Variants in NKAIN3 observed in about 807,000 individuals in gnomAD.
NKAIN3 encodes the protein sodium/potassium transporting ATPase interacting 3.
Under a neutral mutation model 30.2 loss-of-function variants are expected in NKAIN3, and 25 were observed. The observed-to-expected ratio is 0.83, with a 90% CI of 0.60 to 1.16. The LOEUF is 1.16. Among genes scored for constraint, NKAIN3 ranks in the 50% most tolerant of loss-of-function variants. The probability of loss-of-function intolerance (pLI) is 0.00; values close to 1 mark genes in which losing one functional copy is unlikely to be tolerated. For missense variants in NKAIN3, 225 were observed against 254.1 expected (o/e 0.89, Z 0.78); for synonymous variants, 91 against 89.6 (o/e 1.02, Z -0.09).
intron 4 of NKAIN3, among the ~76,000 whole-genome samples, chr8:62,759,190 TTAA>T (rs1424217669): frequency 6.6e-6 from 1 of 152,206 alleles, no homozygotes; most frequent in Non-Finnish European, 1.5e-5. Flanking sequence ...GAAAACTTAT[TTAA>T]TATGATACCT....
intron 1 of NKAIN3, among the ~76,000 whole-genome samples, chr8:62,565,103 AT>A (rs1187213807): frequency 1.3e-5 from 2 of 152,076 alleles, no homozygotes; most frequent in East Asian, 3.9e-4. Context: ...CATACACATG[AT>A]TTTTTCCTAC....
chr8:62,970,918 A>C lies in NKAIN3; in HGVS notation c.*5511A>C, dbSNP rs899016805. On this transcript the variant is annotated 3_prime_UTR_variant, in exon 7 of 7. Coordinates refer to ENST00000623646, the MANE Select transcript of NKAIN3 (RefSeq NM_001304533.3). Reference sequence around the variant, plus strand: ...TTTGGCAGACAACTTAGTCTATATTAGTTAGGATTAGGTTTACCTACAAGT... The same window carrying C: ...TTTGGCAGACAACTTAGTCTATATTCGTTAGGATTAGGTTTACCTACAAGT... Among the ~76,000 whole-genome samples the C allele has an allele frequency of 2.0e-5, 3 of 152,234 alleles. No homozygotes were observed. Among genetic ancestry groups the C allele is most frequent in the Non-Finnish European group, 4.4e-5 (3 of 68,038 alleles).
At chr8:62,404,911 G>A (rs1422635385) in intron 1 of NKAIN3, among the ~76,000 whole-genome samples, 1 of 152,128 alleles carries the variant, frequency 6.6e-6, no homozygotes, top group Non-Finnish European at 1.5e-5. Flanking sequence ...GGCCCATGGT[G>A]AGCACTGCTT....
chr8:62,805,742 G>C (rs1406352856), intron 4 of NKAIN3, among the ~76,000 whole-genome samples: 1 of 152,150 alleles, frequency 6.6e-6, no homozygotes, highest in African/African-American at 2.4e-5. Flanking sequence ...ATAGGCCTGG[G>C]CAAGGACTTC....
At chr8:62,363,427 G>A (rs13280901) in intron 1 of NKAIN3, among the ~76,000 whole-genome samples, 63,732 of 151,836 alleles carry the variant, frequency 0.42, 15,630 homozygotes, top group Non-Finnish European at 0.54. Flanking sequence ...ACCTAACAAC[G>A]TCTGAGACCC....
rs528566591 is a variant in NKAIN3 at position 62,687,588 on chromosome 8, C to G, written c.274-59344C>G. On this transcript the variant is annotated intron_variant, in intron 3 of 6. Coordinates refer to ENST00000623646, the MANE Select transcript of NKAIN3 (RefSeq NM_001304533.3). ...TGTATTCCCAAGCCCTCCAACCCCT[C>G]TTTCTGAAACAGTTCTACTTCCACA... Among the ~76,000 whole-genome samples the G allele has an allele frequency of 1.6e-3, 240 of 152,310 alleles. 3 individuals carry two copies. Among genetic ancestry groups the G allele is most frequent in the Middle Eastern group, 0.014 (4 of 294 alleles).
chr8:62,366,518 G>A (rs6989333), intron 1 of NKAIN3, among the ~76,000 whole-genome samples: 6,081 of 152,178 alleles, frequency 0.04, 444 homozygotes, highest in African/African-American at 0.14. Context: ...GAGCCACTAC[G>A]CCCAGCCGCT....
intron 4 of NKAIN3, among the ~76,000 whole-genome samples, chr8:62,876,267 C>T (rs902358074): frequency 3.9e-5 from 6 of 152,160 alleles, no homozygotes; most frequent in African/African-American, 1.2e-4. Flanking sequence ...AGTGAGTCAC[C>T]ATCTCACACC....
At chr8:62,790,647 C>T (rs888410637) in intron 4 of NKAIN3, among the ~76,000 whole-genome samples, 3 of 151,748 alleles carry the variant, frequency 2.0e-5, no homozygotes, top group African/African-American at 7.3e-5. Flanking sequence ...AATAATTATT[C>T]TCTCTTAAAT....
rs996594561 is a variant in NKAIN3, at chr8:62,870,805, G to T, written c.472-47648G>T. 3.4e-5 allele frequency among the ~76,000 whole-genome samples: 5 copies of T among 148,350 alleles called. No homozygotes were observed. In the Admixed American group the frequency reaches 3.4e-4, roughly 10 times the overall value. ...TATATTGTATTGGGTCTGTCCCTCT[G>T]GAATGCCCTGGTTAATATAAGGACT... On this transcript the variant is annotated intron_variant, in intron 4 of 6. Coordinates refer to ENST00000623646, the MANE Select transcript of NKAIN3 (RefSeq NM_001304533.3).
chr8:62,314,853 G>A lies in NKAIN3; in HGVS notation c.54+65726G>A, dbSNP rs6472007. Among the ~76,000 whole-genome samples the A allele has an allele frequency of 9.0e-3, 1,365 of 152,154 alleles. 30 individuals carry two copies. The highest frequency in any genetic ancestry group is 0.031 in the African/African-American group (1,290 of 41,524). ...ATACTAGCCAACTATTATATGATGG[G>A]TATCTATAATCATAAACACTGAACC... On this transcript the variant is annotated intron_variant, in intron 1 of 6. Transcript: ENST00000623646.
At chr8:62,667,315 T>G (rs1034758625) in intron 3 of NKAIN3, among the ~76,000 whole-genome samples, 229 of 134,140 alleles carry the variant, frequency 1.7e-3, no homozygotes, top group African/African-American at 6.6e-3. Flanking sequence ...ATATATATAT[T>G]TATATATATA....
In NKAIN3 at chr8:62,959,735, G is replaced by T. The variant is rs536594593; in HGVS notation, c.604-5619G>T. On this transcript the variant is annotated intron_variant, in intron 6 of 6. Coordinates refer to ENST00000623646, the MANE Select transcript of NKAIN3 (RefSeq NM_001304533.3). ...GTGACTGTGATCCGCTCCTATCAGT[G>T]GCTGTCTCACTGTTCCCACTACTAA... Among the ~76,000 whole-genome samples, 6 of 152,220 alleles carry T rather than the reference G, an allele frequency of 3.9e-5. No individual in the cohort carries two copies. The South Asian group carries it at 1.2e-3, about 32-fold the overall frequency.
chr8:62,284,150 TG>T (rs1348793735), intron 1 of NKAIN3, among the ~76,000 whole-genome samples: 8 of 152,144 alleles, frequency 5.3e-5, no homozygotes, highest in Admixed American at 5.2e-4. Context: ...GAGAAAAGTT[TG>T]CCAGGGTGAG....
intron 5 of NKAIN3, among the ~76,000 whole-genome samples, chr8:62,925,384 A>T (rs553224859): frequency 2.6e-5 from 4 of 152,322 alleles, no homozygotes; most frequent in Non-Finnish European, 2.9e-5. Flanking sequence ...ACAGGAAAAA[A>T]AATGATTAAT....
At chr8:62,560,531 CTTTTTTTTTT>C (rs869256384) in intron 1 of NKAIN3, among the ~76,000 whole-genome samples, 2 of 45,364 alleles carry the variant, frequency 4.4e-5, no homozygotes, top group East Asian at 1.5e-3. Flanking sequence ...TTTTTCTTTT[CTTTTTTTTTT>C]TTTTTTTTTT....
intron 2 of NKAIN3, among the ~76,000 whole-genome samples, chr8:62,581,753 C>G (rs4422765): frequency 0.42 from 50,334 of 120,416 alleles, 10,509 homozygotes; most frequent in Middle Eastern, 0.54. Flanking sequence ...CCATCCATCC[C>G]TTCTTTCCTT....
At chr8:62,558,850 A>C (rs1426174584) in intron 1 of NKAIN3, among the ~76,000 whole-genome samples, 1 of 152,052 alleles carries the variant, frequency 6.6e-6, no homozygotes, top group African/African-American at 2.4e-5. Flanking sequence ...AACATGTTTA[A>C]GCTGTGTCCC....
rs566169623 is a variant in NKAIN3 at position 62,799,451 on chromosome 8, A to C, written c.471+52322A>C. Reference sequence around the variant, plus strand: ...CAACAAGCATACGGAAAAATGCTCAACATCACTAATTATCAGGGAAATGCA... The same window carrying C: ...CAACAAGCATACGGAAAAATGCTCACCATCACTAATTATCAGGGAAATGCA... On this transcript the variant is annotated intron_variant, in intron 4 of 6. Coordinates refer to ENST00000623646, the MANE Select transcript of NKAIN3 (RefSeq NM_001304533.3). 5.9e-5 allele frequency among the ~76,000 whole-genome samples: 9 copies of C among 152,342 alleles called. No individual in the cohort carries two copies. The South Asian group carries it at 1.9e-3, about 32-fold the overall frequency.
Sources: gnomAD v4.1 joint callset for allele counts (sites outside exome capture counted in the v4.1 genomes callset) on GRCh38, gnomAD v4.1.1 for gene constraint, MANE v1.5 for transcripts, NCBI Gene and HGNC (gene_info 2026-07-23, HGNC 2026-07-21) for gene names.